Variants in BRINP3 observed in about 807,000 individuals in gnomAD.
BRINP3 encodes BMP/retinoic acid inducible neural specific 3, also known as BMP/retinoic acid-inducible neural-specific protein 3.
Under a neutral mutation model 71.0 loss-of-function variants are expected in BRINP3, and 19 were observed. That is an observed-to-expected ratio of 0.27 (90% CI 0.19 to 0.39). The LOEUF (loss-of-function observed/expected upper bound fraction) is 0.39. BRINP3 is among the 10% of genes least tolerant of loss of function. The pLI is 1.00. For synonymous variants in BRINP3, 380 were observed against 337.7 expected (o/e 1.13, Z -1.37); for missense variants, 959 against 940.8 (o/e 1.02, Z -0.25).
rs140177535 is a variant in BRINP3, at chr1:190,147,565, C to T, written c.1184+13103G>A. ...TATTTTTTCCTCTCAAAACACCATG[C>T]GTTAATCTACCATACCTTGCAATTA... On this transcript the variant is annotated intron_variant, in intron 7 of 7. Coordinates refer to ENST00000367462, the MANE Select transcript of BRINP3 (RefSeq NM_199051.3). Among the ~76,000 whole-genome samples, 475 of 152,204 alleles carry T rather than the reference C, an allele frequency of 3.1e-3. 3 individuals are homozygous for T. Among genetic ancestry groups the T allele is most frequent in the African/African-American group, 0.011 (451 of 41,536 alleles).
At chr1:190,266,643 A>G (rs1661688257) in intron 3 of BRINP3, among the ~76,000 whole-genome samples, 1 of 152,158 alleles carries the variant, frequency 6.6e-6, no homozygotes, top group African/African-American at 2.4e-5. Flanking sequence ...CATTCTCTCC[A>G]AGAAAAAGAT....
intron 1 of BRINP3, among the ~76,000 whole-genome samples, chr1:190,473,594 T>A (rs1369810881): frequency 6.6e-6 from 1 of 150,452 alleles, no homozygotes; most frequent in Non-Finnish European, 1.5e-5. Flanking sequence ...CTTCAACATG[T>A]TAGCAAAAAA....
chr1:190,368,348 C>G (rs1031931402), intron 2 of BRINP3, among the ~76,000 whole-genome samples: 1 of 151,998 alleles, frequency 6.6e-6, no homozygotes, highest in Non-Finnish European at 1.5e-5. Context: ...GGTCACCACC[C>G]ACATGATTAA....
At chr1:190,145,822 C>T (rs1257757993) in intron 7 of BRINP3, among the ~76,000 whole-genome samples, 1 of 152,068 alleles carries the variant, frequency 6.6e-6, no homozygotes, top group Non-Finnish European at 1.5e-5. Context: ...ATTATGTATA[C>T]ATTCACATAC....
chr1:190,261,586 T>C (rs1456816797), intron 4 of BRINP3, among the ~76,000 whole-genome samples: 1 of 152,170 alleles, frequency 6.6e-6, no homozygotes, highest in African/African-American at 2.4e-5. Context: ...GGCATGATTT[T>C]GTAGATCTAA....
chr1:190,368,114 T>G (rs1019158070), intron 2 of BRINP3, among the ~76,000 whole-genome samples: 1 of 152,134 alleles, frequency 6.6e-6, no homozygotes, highest in Admixed American at 6.6e-5. Flanking sequence ...AATAAAGACA[T>G]ACCTGAGACT....
intron 3 of BRINP3, among the ~76,000 whole-genome samples, chr1:190,278,411 C>A (rs565734359): frequency 6.6e-6 from 1 of 151,630 alleles, no homozygotes; most frequent in East Asian, 1.9e-4. Context: ...CATGTTCAAT[C>A]AGGTAAAACA....
At chr1:190,123,702 C>T (rs190280701) in intron 7 of BRINP3, among the ~76,000 whole-genome samples, 3 of 152,000 alleles carry the variant, frequency 2.0e-5, no homozygotes, top group African/African-American at 7.2e-5. Context: ...AATGAATAAC[C>T]ATATCATTCA....
chr1:190,456,396 G>A (rs1352551274), intron 1 of BRINP3, among the ~76,000 whole-genome samples: 1 of 152,104 alleles, frequency 6.6e-6, no homozygotes, highest in African/African-American at 2.4e-5. Context: ...AACAACATGG[G>A]AAGCCTTACA....
chr1:190,148,596 AAAATAAATAAATAAATAAATAAAT>A lies in BRINP3; in HGVS notation c.1184+12048_1184+12071del, dbSNP rs71123073. ...GGCGACAGAGTTGAGACTCTGTCACAAAATAAATAAATAAATAAATAAATAAATAAATAAATAAATAAATAAATA... is the reference window on the plus strand; with the variant it reads ...GGCGACAGAGTTGAGACTCTGTCACAAAATAAATAAATAAATAAATAAATA... On this transcript the variant is annotated intron_variant, in intron 7 of 7. Transcript: ENST00000367462. Among the ~76,000 whole-genome samples the A allele has an allele frequency of 4.4e-4, 60 of 134,938 alleles. No individual in the cohort carries two copies. The South Asian group carries it at 0.011, about 25-fold the overall frequency. The allele number at this position is 134,938 out of a possible 152,430, so 88.5% of individuals were successfully genotyped here.
chr1:190,469,823 A>G (rs1677009813), intron 1 of BRINP3, among the ~76,000 whole-genome samples: 1 of 151,126 alleles, frequency 6.6e-6, no homozygotes, highest in African/African-American at 2.4e-5. Context: ...ATAAGGTATT[A>G]TATAGAACCC....
At chr1:190,377,724 C>T (rs997341845) in intron 2 of BRINP3, among the ~76,000 whole-genome samples, 2 of 151,368 alleles carry the variant, frequency 1.3e-5, no homozygotes, top group Non-Finnish European at 2.9e-5. Context: ...ACAATTGTGT[C>T]TTTATACAGT....
At chr1:190,394,157 C>T (rs1481735368) in intron 2 of BRINP3, among the ~76,000 whole-genome samples, 2 of 151,436 alleles carry the variant, frequency 1.3e-5, no homozygotes, top group African/African-American at 4.8e-5. Context: ...CCAAGTTAAA[C>T]CAGGAAAGCT....
chr1:190,204,376 T>TA (rs1165257399), intron 6 of BRINP3, among the ~76,000 whole-genome samples: 1 of 151,854 alleles, frequency 6.6e-6, no homozygotes, highest in Non-Finnish European at 1.5e-5. Context: ...GGATTAATAA[T>TA]AAAAAATATT....
intron 4 of BRINP3, among the ~76,000 whole-genome samples, chr1:190,244,330 C>T (rs1256973131): frequency 6.6e-6 from 1 of 152,040 alleles, no homozygotes; most frequent in Non-Finnish European, 1.5e-5. Flanking sequence ...TTTATTAATT[C>T]CTACTTCCTA....
intron 2 of BRINP3, among the ~76,000 whole-genome samples, chr1:190,306,269 G>A (rs1298635471): frequency 1.3e-5 from 2 of 151,640 alleles, no homozygotes; most frequent in Non-Finnish European, 2.9e-5. Context: ...TTTAATTTCT[G>A]AGCAGAAGAG....
intron 7 of BRINP3, among the ~76,000 whole-genome samples, chr1:190,155,826 C>T (rs548737317): frequency 7.2e-4 from 109 of 152,152 alleles, no homozygotes; most frequent in African/African-American, 2.5e-3. Context: ...ATGTGTCTTG[C>T]TTCCCCTTTG....
chr1:190,169,177 G>A (rs905009994), intron 6 of BRINP3, among the ~76,000 whole-genome samples: 4 of 152,120 alleles, frequency 2.6e-5, no homozygotes, highest in African/African-American at 4.8e-5. Context: ...GAAAATAAAC[G>A]TTATTTATAT....
chr1:190,132,060 T>C (rs943281158), intron 7 of BRINP3, among the ~76,000 whole-genome samples: 7 of 152,050 alleles, frequency 4.6e-5, no homozygotes, highest in Non-Finnish European at 5.9e-5. Flanking sequence ...TAAGCATCAA[T>C]TTATAATATT....
Sources: allele counts gnomAD v4.1 joint callset (sites outside exome capture counted in the v4.1 genomes callset), GRCh38; gene constraint gnomAD v4.1.1; transcripts MANE v1.5; gene names NCBI Gene and HGNC (gene_info 2026-07-23, HGNC 2026-07-21).